Variants in CPVL observed in about 807,000 individuals in gnomAD.
CPVL encodes the protein probable serine carboxypeptidase CPVL.
In CPVL, 51 loss-of-function variants were observed where a neutral mutation model predicts 63.7. The ratio of observed to expected loss-of-function variants is 0.80; its 90% CI spans 0.64 to 1.01. The LOEUF is 1.01. Ranked by LOEUF, CPVL falls within the 50% of genes least tolerant of loss-of-function variation. The pLI is 0.00. For synonymous variants in CPVL, 195 were observed against 206.0 expected (o/e 0.95, Z 0.46); for missense variants, 530 against 573.1 (o/e 0.92, Z 0.77).
At chr7:29,173,287 A>T (rs2092990151) in intron 5 of CPVL, among the ~76,000 whole-genome samples, 1 of 152,156 alleles carries the variant, frequency 6.6e-6, no homozygotes, top group African/African-American at 2.4e-5. Flanking sequence ...ATTGCCCTGA[A>T]TGCATCTGCC....
At chr7:29,064,013 T>C (rs374823772) in intron 11 of CPVL, 48 bp downstream of exon 11, 43 of 1,348,582 alleles carry the variant, frequency 3.2e-5, no homozygotes, top group Middle Eastern at 2.0e-4. Context: ...ACTTCTGCTC[T>C]GGGTAATCTG....
intron 9 of CPVL, among the ~76,000 whole-genome samples, chr7:29,068,670 A>T (rs1783381846): frequency 1.3e-5 from 2 of 148,644 alleles, no homozygotes; most frequent in Non-Finnish European, 3.0e-5. Flanking sequence ...ACCACAGAGG[A>T]GGTGTCTTTT....
At chr7:29,072,537 C>CATA in intron 7 of CPVL, 114 bp from the exon 8 acceptor site, 1 of 1,189,096 alleles carries the variant, frequency 8.4e-7, no homozygotes, top group Non-Finnish European at 1.2e-6. Flanking sequence ...TGAGGTATAC[C>CATA]ATCTGTTTCT....
At chr7:29,092,033 A>G (rs1785862111) in intron 6 of CPVL, among the ~76,000 whole-genome samples, 1 of 152,132 alleles carries the variant, frequency 6.6e-6, no homozygotes, top group African/African-American at 2.4e-5. Flanking sequence ...CTCTAGTAAT[A>G]ATTTGTAGAC....
At chr7:29,086,574 A>C (rs760859387) in intron 6 of CPVL, 24 bp from the exon 7 acceptor site, 19 of 1,509,150 alleles carry the variant, frequency 1.3e-5, no homozygotes, top group African/African-American at 5.5e-5. Context: ...AACAAGAACA[A>C]CACAAATTAA....
At chr7:29,117,173 T>C (rs1317713731) in intron 2 of CPVL, among the ~76,000 whole-genome samples, 2 of 152,230 alleles carry the variant, frequency 1.3e-5, no homozygotes, top group Non-Finnish European at 2.9e-5. Flanking sequence ...AGATTTAATA[T>C]TTTAAATGTT....
At chr7:29,178,946 T>C (rs1562810956) in intron 5 of CPVL, among the ~76,000 whole-genome samples, 1 of 152,192 alleles carries the variant, frequency 6.6e-6, no homozygotes. Flanking sequence ...TTAAGGGACA[T>C]TATAGTCCAG....
intron 1 of CPVL, among the ~76,000 whole-genome samples, chr7:29,128,659 G>A (rs1236868695): frequency 1.3e-5 from 2 of 149,778 alleles, no homozygotes; most frequent in East Asian, 2.0e-4. Flanking sequence ...GAGGTTGCAT[G>A]AGCTGAGATT....
intron 11 of CPVL, among the ~76,000 whole-genome samples, chr7:29,062,014 C>G (rs1486793727): frequency 6.6e-6 from 1 of 150,978 alleles, no homozygotes; most frequent in African/African-American, 2.4e-5. Flanking sequence ...ACATATCAAA[C>G]TTATCTGCTC....
In CPVL at chr7:29,043,595, G is replaced by A. The variant is rs551664468; in HGVS notation, c.1138-12836C>T. On this transcript the variant is annotated intron_variant, in intron 11 of 12. Coordinates refer to ENST00000265394, the MANE Select transcript of CPVL (RefSeq NM_031311.5). ...GAGGGGAAAGCCAGAAATCAAGAAGGAGGGCATCAGGAGCTTCTGCCCAGA... is the reference window on the plus strand; with the variant it reads ...GAGGGGAAAGCCAGAAATCAAGAAGAAGGGCATCAGGAGCTTCTGCCCAGA... 5.9e-5 allele frequency among the ~76,000 whole-genome samples: 9 copies of A among 152,272 alleles called. No homozygotes were observed. The South Asian group carries it at 6.2e-4, about 11-fold the overall frequency.
Position 29,030,257 on chromosome 7 carries a change from A to G in CPVL, c.1320+320T>C, listed in dbSNP as rs146535603. Among the ~76,000 whole-genome samples, 651 of 152,348 alleles carry G rather than the reference A, an allele frequency of 4.3e-3. 2 individuals are homozygous for G. Among genetic ancestry groups the G allele is most frequent in the African/African-American group, 0.015 (619 of 41,570 alleles). On this transcript the variant is annotated intron_variant, in intron 12 of 12. Transcript: ENST00000265394. ...AGGAGATTGTGTTGAAACTTCCTTT[A>G]TAATTTGCCAAGTTCTCTCCCCAAA...
intron 11 of CPVL, 94 bp downstream of exon 11, chr7:29,063,967 A>T (rs924690552): frequency 5.0e-5 from 8 of 159,940 alleles, no homozygotes; most frequent in Non-Finnish European, 9.2e-5. Context: ...CATAAAAGTT[A>T]AAAAAAAAAA....
In CPVL at chr7:29,180,329, C is replaced by T. The variant is rs375970441; in HGVS notation, c.-11+961G>A. On this transcript the variant is annotated intron_variant, in intron 5 of 16. Transcript: ENST00000409850. ...TCACAAGGTCAGGACAGATTGAGACCGTCCTGACTAACACGGTGAAACCCT... is the reference window on the plus strand; with the variant it reads ...TCACAAGGTCAGGACAGATTGAGACTGTCCTGACTAACACGGTGAAACCCT... Among the ~76,000 whole-genome samples, 47 of 152,180 alleles carry T rather than the reference C, an allele frequency of 3.1e-4. No individual in the cohort carries two copies. In the East Asian group the frequency reaches 7.1e-3, roughly 23 times the overall value.
At chr7:29,171,872 A>G (rs776785585) in intron 5 of CPVL, among the ~76,000 whole-genome samples, 23 of 152,198 alleles carry the variant, frequency 1.5e-4, no homozygotes, top group Non-Finnish European at 3.2e-4. Context: ...TATAGTTCTT[A>G]CAAATGGACT....
At chr7:29,035,135 C>G (rs1167152572) in intron 11 of CPVL, among the ~76,000 whole-genome samples, 1 of 152,064 alleles carries the variant, frequency 6.6e-6, no homozygotes, top group African/African-American at 2.4e-5. Context: ...AGAAAAGCAT[C>G]TTTATTATTA....
chr7:29,036,402 A>G (rs565716176), intron 11 of CPVL, among the ~76,000 whole-genome samples: 7 of 152,316 alleles, frequency 4.6e-5, no homozygotes, highest in African/African-American at 1.4e-4. Flanking sequence ...TAATGATTGG[A>G]GAGACTCGAC....
Position 29,095,066 on chromosome 7 carries a change from G to A in CPVL, c.462+18C>T, listed in dbSNP as rs1171167787. 6.2e-7 allele frequency: 1 copy of A among 1,605,768 alleles called. No homozygotes were observed. Among genetic ancestry groups the A allele is most frequent in the East Asian group, 2.2e-5 (1 of 44,836 alleles). On this transcript the variant is annotated intron_variant, in intron 5 of 12. Transcript: ENST00000265394. ...GAGACGCCAGCACTGACAGCTCACA[G>A]GGTCATCCCGGACTTACTGGATTGT... is the stretch of plus-strand genomic sequence containing the variant.
chr7:29,055,295 A>G (rs1459832148), intron 11 of CPVL, among the ~76,000 whole-genome samples: 1 of 152,090 alleles, frequency 6.6e-6, no homozygotes, highest in Non-Finnish European at 1.5e-5. Flanking sequence ...TGTCACCCAA[A>G]CTGGAGTGCA....
At chr7:29,071,118 A>AG (rs1783693782) in intron 9 of CPVL, among the ~76,000 whole-genome samples, 1 of 152,030 alleles carries the variant, frequency 6.6e-6, no homozygotes, top group African/African-American at 2.4e-5. Context: ...GCAAAAAAAA[A>AG]CAAAAAAAAC....
Sources: allele counts gnomAD v4.1 joint callset (sites outside exome capture counted in the v4.1 genomes callset), GRCh38; gene constraint gnomAD v4.1.1; transcripts MANE v1.5; gene names NCBI Gene and HGNC (gene_info 2026-07-23, HGNC 2026-07-21).